CTNNA3: variants seen among roughly 807,000 people sequenced by gnomAD.
CTNNA3 encodes the protein catenin alpha-3.
CTNNA3 carries 76 observed loss-of-function variants against 95.7 expected under a neutral mutation model. The ratio of observed to expected loss-of-function variants is 0.79; its 90% CI spans 0.66 to 0.96. The LOEUF is 0.96. Ranked by LOEUF, CTNNA3 falls within the 40% of genes least tolerant of loss-of-function variation. The probability of loss-of-function intolerance (pLI) is 0.00; values close to 1 mark genes in which losing one functional copy is unlikely to be tolerated. For missense variants in CTNNA3, 1,191 were observed against 1,089.8 expected (o/e 1.09, Z -1.31); for synonymous variants, 431 against 374.4 (o/e 1.15, Z -1.74).
At chr10:67,232,756 C>A (rs1185085830) in intron 5 of CTNNA3, among the ~76,000 whole-genome samples, 2 of 151,748 alleles carry the variant, frequency 1.3e-5, no homozygotes, top group Non-Finnish European at 2.9e-5. Context: ...GTGCTGTATT[C>A]AGGAAACCCA....
chr10:67,680,093 G>A (rs1840599273), intron 1 of CTNNA3, among the ~76,000 whole-genome samples: 2 of 152,194 alleles, frequency 1.3e-5, no homozygotes, highest in Non-Finnish European at 2.9e-5. Flanking sequence ...TTGAGTAACA[G>A]TAGGAGAGAT....
intron 13 of CTNNA3, among the ~76,000 whole-genome samples, chr10:66,183,427 C>A (rs569367255): frequency 2.0e-5 from 3 of 152,172 alleles, no homozygotes; most frequent in Non-Finnish European, 1.5e-5. Context: ...TTGAATATAT[C>A]ATTTGGAGCC....
intron 5 of CTNNA3, among the ~76,000 whole-genome samples, chr10:67,244,176 G>A (rs958079316): frequency 1.3e-5 from 2 of 152,182 alleles, no homozygotes; most frequent in Non-Finnish European, 2.9e-5. Flanking sequence ...AAGTAGATTT[G>A]TTTATGAACT....
intron 15 of CTNNA3, among the ~76,000 whole-genome samples, chr10:66,054,540 A>G (rs1312440939): frequency 3.3e-5 from 5 of 152,174 alleles, no homozygotes; most frequent in African/African-American, 1.2e-4. Flanking sequence ...AGAAATGTCT[A>G]TGCAGATCTT....
intron 7 of CTNNA3, among the ~76,000 whole-genome samples, chr10:67,134,624 T>C (rs1860202468): frequency 6.6e-6 from 1 of 152,118 alleles, no homozygotes; most frequent in Non-Finnish European, 1.5e-5. Context: ...TCTGCATCCA[T>C]TCAGTTTTAT....
At chr10:66,683,969 T>C (rs893833710) in intron 9 of CTNNA3, among the ~76,000 whole-genome samples, 5 of 152,166 alleles carry the variant, frequency 3.3e-5, no homozygotes, top group African/African-American at 1.2e-4. Context: ...ACCTGATGTA[T>C]ACAAAAAAGA....
At chr10:67,290,691 G>C (rs575093975) in intron 5 of CTNNA3, among the ~76,000 whole-genome samples, 1 of 152,230 alleles carries the variant, frequency 6.6e-6, no homozygotes, top group Admixed American at 6.5e-5. Context: ...TTGACTCAAA[G>C]ATGTCTGACT....
intron 12 of CTNNA3, among the ~76,000 whole-genome samples, chr10:66,281,261 C>T (rs1278516559): frequency 1.3e-5 from 2 of 151,810 alleles, no homozygotes; most frequent in African/African-American, 4.8e-5. Context: ...GTAAGCCAAT[C>T]CATGGATTAT....
intron 5 of CTNNA3, among the ~76,000 whole-genome samples, chr10:67,294,326 T>C (rs1839954171): frequency 6.6e-6 from 1 of 152,194 alleles, no homozygotes; most frequent in East Asian, 1.9e-4. Flanking sequence ...AGACTATGTG[T>C]TGCTACAATT....
chr10:66,135,015 T>C (rs953286965), intron 13 of CTNNA3, among the ~76,000 whole-genome samples: 2 of 152,136 alleles, frequency 1.3e-5, no homozygotes, highest in Non-Finnish European at 2.9e-5. Context: ...TGTTTAAAGA[T>C]ATTGTTGTAT....
chr10:67,141,282 T>C (rs1298813497), intron 7 of CTNNA3, among the ~76,000 whole-genome samples: 2 of 146,278 alleles, frequency 1.4e-5, no homozygotes, highest in African/African-American at 5.1e-5. Context: ...TGCCAATTAA[T>C]GCTTGCAAAG....
intron 7 of CTNNA3, among the ~76,000 whole-genome samples, chr10:66,802,074 A>G (rs1294905066): frequency 6.6e-6 from 1 of 151,760 alleles, no homozygotes; most frequent in African/African-American, 2.4e-5. Context: ...CCTTTTTAAT[A>G]CCACAAACAA....
chr10:66,969,742 T>C (rs1256873414), intron 7 of CTNNA3, among the ~76,000 whole-genome samples: 1 of 152,140 alleles, frequency 6.6e-6, no homozygotes, highest in East Asian at 1.9e-4. Context: ...GAATTTTTTG[T>C]TTGTTTATTA....
intron 2 of CTNNA3, among the ~76,000 whole-genome samples, chr10:67,631,416 A>G (rs977239571): frequency 6.6e-6 from 1 of 152,206 alleles, no homozygotes; most frequent in African/African-American, 2.4e-5. Context: ...GAGTGACATA[A>G]TAGTATCTAT....
At chr10:67,541,734 T>A (rs1840690064) in intron 3 of CTNNA3, among the ~76,000 whole-genome samples, 1 of 152,084 alleles carries the variant, frequency 6.6e-6, no homozygotes, top group Admixed American at 6.6e-5. Context: ...GATGGTAAAT[T>A]TTTAATGCCA....
chr10:66,585,396 T>G (rs1265899371), intron 10 of CTNNA3, among the ~76,000 whole-genome samples: 3 of 152,024 alleles, frequency 2.0e-5, no homozygotes, highest in African/African-American at 7.2e-5. Context: ...AATTCTTTTT[T>G]GTTTACTTTT....
At chr10:67,614,433 T>C (rs1305913363) in intron 2 of CTNNA3, among the ~76,000 whole-genome samples, 1 of 152,186 alleles carries the variant, frequency 6.6e-6, no homozygotes, top group African/African-American at 2.4e-5. Context: ...TTGAGCTTGT[T>C]TTCCCACAAC....
intron 17 of CTNNA3, among the ~76,000 whole-genome samples, chr10:65,933,456 C>T (rs1204988407): frequency 6.6e-6 from 1 of 152,142 alleles, no homozygotes; most frequent in Admixed American, 6.6e-5. Context: ...AGGAATCAAG[C>T]TTAGAAGCCC....
chr10:66,477,467 G>T (rs1043357335), intron 11 of CTNNA3, among the ~76,000 whole-genome samples: 1 of 152,024 alleles, frequency 6.6e-6, no homozygotes, highest in African/African-American at 2.4e-5. Context: ...TACTTATGTG[G>T]TTGACAGTAA....
Sources: gnomAD v4.1 joint callset for allele counts (sites outside exome capture counted in the v4.1 genomes callset) on GRCh38, gnomAD v4.1.1 for gene constraint, MANE v1.5 for transcripts, NCBI Gene and HGNC (gene_info 2026-07-23, HGNC 2026-07-21) for gene names.